Variants in KLRG1 observed in about 807,000 individuals in gnomAD.
KLRG1 encodes killer cell lectin like receptor G1.
In KLRG1, 16 loss-of-function variants were observed where a neutral mutation model predicts 21.8. The observed-to-expected ratio is 0.73, with a 90% CI of 0.50 to 1.11. The LOEUF is 1.11. KLRG1 is among the 50% of genes most tolerant of loss of function. KLRG1 has a pLI of 0.00. For missense variants in KLRG1, 173 were observed against 218.3 expected (o/e 0.79, Z 1.31); for synonymous variants, 69 against 75.9 (o/e 0.91, Z 0.47).
chr12:9,196,800 T>C, the KLRG1 span: 1 of 902,064 alleles, frequency 1.1e-6, no homozygotes, highest in East Asian at 2.5e-5. Flanking sequence ...AGTAAGTTAA[T>C]TGACCTTCGA....
intron 1 of KLRG1, among the ~76,000 whole-genome samples, chr12:8,951,813 G>A (rs1238464594): frequency 1.3e-5 from 2 of 152,202 alleles, no homozygotes; most frequent in Non-Finnish European, 1.5e-5. Context: ...TGCCTAGAGT[G>A]GCATTGGGCT....
At chr12:8,951,846 T>C (rs1294787844) in intron 1 of KLRG1, among the ~76,000 whole-genome samples, 1 of 152,218 alleles carries the variant, frequency 6.6e-6, no homozygotes, top group Non-Finnish European at 1.5e-5. Flanking sequence ...CTGTTCATGT[T>C]GGAAATGGGG....
the KLRG1 span, chr12:9,052,682 G>C: frequency 2.7e-6 from 1 of 376,036 alleles, no homozygotes; most frequent in East Asian, 7.4e-5. Context: ...TTAAGGGTAT[G>C]GACTCTGGAG....
chr12:9,200,414 T>C, the KLRG1 span: 1 of 1,611,588 alleles, frequency 6.2e-7, no homozygotes, highest in South Asian at 1.1e-5. Flanking sequence ...TGATTATCTT[T>C]GGCACCTGAA....
intron 1 of KLRG1, among the ~76,000 whole-genome samples, chr12:8,955,051 G>A (rs950314541): frequency 4.6e-5 from 7 of 151,960 alleles, no homozygotes; most frequent in Admixed American, 3.3e-4. Flanking sequence ...CGAGTAGCTG[G>A]AACTACAGGC....
the KLRG1 span, among the ~76,000 whole-genome samples, chr12:9,180,371 G>T: frequency 6.6e-6 from 1 of 152,136 alleles, no homozygotes; most frequent in Non-Finnish European, 1.5e-5. Context: ...AACAAAGCTG[G>T]AGGCATCACA....
Position 9,009,784 on chromosome 12 carries a change from G to GT in KLRG1, c.*253dup. Reference sequence around the variant, plus strand: ...TAAGCAAATTTTGAAATAGATGTTTGTTTTTTGTATTTCTCAGTATGGAAA... The same window carrying GT: ...TAAGCAAATTTTGAAATAGATGTTTGTTTTTTTGTATTTCTCAGTATGGAAA... On this transcript the variant is annotated 3_prime_UTR_variant, in exon 5 of 5. Transcript: ENST00000356986. 1.4e-6 allele frequency: 2 copies of GT among 1,412,958 alleles called. No homozygotes were observed. Among genetic ancestry groups the GT allele is most frequent in the Non-Finnish European group, 1.8e-6 (2 of 1,089,828 alleles). 87.5% of individuals were successfully genotyped at this position (1,412,958 alleles called of 1,614,324 possible).
At chr12:8,971,185 G>A (rs1450277747) in intron 1 of KLRG1, 1 of 151,860 alleles carries the variant, frequency 6.6e-6, no homozygotes, top group Non-Finnish European at 1.5e-5. Context: ...GTTTAATATA[G>A]TATGCTATTG....
chr12:9,143,288 T>C, the KLRG1 span, among the ~76,000 whole-genome samples: 1 of 152,162 alleles, frequency 6.6e-6, no homozygotes, highest in East Asian at 1.9e-4. Flanking sequence ...CCTTCGACCC[T>C]AGCCACTTCC....
chr12:9,084,486 C>G, the KLRG1 span, among the ~76,000 whole-genome samples: 5 of 151,998 alleles, frequency 3.3e-5, no homozygotes, highest in Non-Finnish European at 5.9e-5. Context: ...TTGTTATCAG[C>G]TTGAAATTGA....
At chr12:9,187,816 C>G in the KLRG1 span, among the ~76,000 whole-genome samples, 538 of 152,330 alleles carry the variant, frequency 3.5e-3, 2 homozygotes, top group African/African-American at 0.012. Flanking sequence ...ACACCCTAAT[C>G]ACTACTTGCT....
chr12:9,188,125 A>G, the KLRG1 span, among the ~76,000 whole-genome samples: 1 of 152,252 alleles, frequency 6.6e-6, no homozygotes, highest in Non-Finnish European at 1.5e-5. Context: ...AAAATCCTCA[A>G]TAAAATACTG....
At chr12:9,202,646 A>G in the KLRG1 span, 2 of 1,614,094 alleles carry the variant, frequency 1.2e-6, no homozygotes, top group South Asian at 1.1e-5. Flanking sequence ...TCTGGATGCT[A>G]AGGAATGCCA....
chr12:9,018,177 A>G, the KLRG1 span, among the ~76,000 whole-genome samples: 1 of 152,208 alleles, frequency 6.6e-6, no homozygotes, highest in African/African-American at 2.4e-5. Flanking sequence ...TAAAATGCCC[A>G]TAGTACCTAA....
chr12:9,147,517 T>C, the KLRG1 span, among the ~76,000 whole-genome samples: 4 of 152,190 alleles, frequency 2.6e-5, no homozygotes, highest in Non-Finnish European at 5.9e-5. Flanking sequence ...GAGTCTGCTT[T>C]TGCATTTGTT....
chr12:9,036,788 A>T, the KLRG1 span: 1 of 403,362 alleles, frequency 2.5e-6, no homozygotes, highest in Non-Finnish European at 4.9e-6. Flanking sequence ...CTGGACCTGC[A>T]ATCTATGCTT....
chr12:9,213,899 G>T, the KLRG1 span, among the ~76,000 whole-genome samples: 1 of 151,924 alleles, frequency 6.6e-6, no homozygotes, highest in African/African-American at 2.4e-5. Flanking sequence ...ATAAATTATT[G>T]CCTAATCCAA....
chr12:9,209,805 TTATATG>T, the KLRG1 span, among the ~76,000 whole-genome samples: 1 of 152,116 alleles, frequency 6.6e-6, no homozygotes, highest in Non-Finnish European at 1.5e-5. Context: ...GTTTTGTATT[TTATATG>T]TATAAGTGGT....
At chr12:9,102,964 A>AAT in the KLRG1 span, among the ~76,000 whole-genome samples, 1 of 152,160 alleles carries the variant, frequency 6.6e-6, no homozygotes, top group Non-Finnish European at 1.5e-5. Flanking sequence ...ATGATTATGT[A>AAT]ATATATATTA....
Sources: gnomAD v4.1 joint callset for allele counts (sites outside exome capture counted in the v4.1 genomes callset) on GRCh38, gnomAD v4.1.1 for gene constraint, MANE v1.5 for transcripts, NCBI Gene and HGNC (gene_info 2026-07-23, HGNC 2026-07-21) for gene names.